The following LEPR variants were observed in gnomAD, a reference collection of about 807,000 sequenced individuals.
The protein encoded by LEPR is OB receptor.
Under a neutral mutation model 114.7 loss-of-function variants are expected in LEPR, and 56 were observed. The observed-to-expected ratio is 0.49, with a 90% CI of 0.39 to 0.61. The LOEUF (loss-of-function observed/expected upper bound fraction) is 0.61. Ranked by LOEUF, LEPR falls within the 20% of genes least tolerant of loss-of-function variation. The pLI is 0.00. For missense variants in LEPR, 1,202 were observed against 1,352.9 expected (o/e 0.89, Z 1.75); for synonymous variants, 443 against 461.4 (o/e 0.96, Z 0.51).
chr1:65,637,075 A>ACTT lies in LEPR; in HGVS notation c.*60_*61insCTT. On this transcript the variant is annotated 3_prime_UTR_variant, in exon 20 of 20. Transcript: ENST00000349533. Reference sequence around the variant, plus strand: ...TGGGTAATATAAAGTGTAATAGATTATAGTTGTGGGTGGGAGAGAGAAAAG... The same window carrying ACTT: ...TGGGTAATATAAAGTGTAATAGATTACTTTAGTTGTGGGTGGGAGAGAGAAAAG... 5.8e-6 allele frequency: 9 copies of ACTT among 1,546,356 alleles called. No homozygotes were observed. Among genetic ancestry groups the ACTT allele is most frequent in the Non-Finnish European group, 7.1e-6 (8 of 1,132,730 alleles).
intron 2 of LEPR, among the ~76,000 whole-genome samples, chr1:65,461,375 C>T (rs1225288403): frequency 6.6e-6 from 1 of 152,024 alleles, no homozygotes; most frequent in Admixed American, 6.6e-5. Context: ...AAACATAGGC[C>T]TAAGGTACCA....
chr1:65,615,856 C>A, intron 14 of LEPR, 152 bp from the exon 15 acceptor site: 2 of 995,176 alleles, frequency 2.0e-6, no homozygotes, highest in Non-Finnish European at 3.0e-6. Context: ...CTCTATCCCA[C>A]CCATCTCCCC....
In LEPR at chr1:65,524,736, A is replaced by G. The variant is rs1420194903; in HGVS notation, c.-20-40810A>G. On this transcript the variant is annotated intron_variant, in intron 2 of 19. Transcript: ENST00000349533. ...CACTACGCTTCATTCTTTCTCCCTT[A>G]CCCTGTTGATTTCTTCCATATCACC... is the stretch of plus-strand genomic sequence containing the variant. Among the ~76,000 whole-genome samples the G allele has an allele frequency of 2.0e-5, 3 of 152,042 alleles. No individual in the cohort carries two copies. In the East Asian group the frequency reaches 5.8e-4, roughly 29 times the overall value.
intron 7 of LEPR, among the ~76,000 whole-genome samples, chr1:65,598,095 C>CTTTTTTTTTTTGTTTTTTT (rs1656194506): frequency 9.9e-6 from 1 of 101,490 alleles, no homozygotes; most frequent in Non-Finnish European, 1.9e-5. Flanking sequence ...CCTCCTGCCT[C>CTTTTTTTTTTTGTTTTTTT]TTTTTTTTTT....
At chr1:65,630,202 A>T in intron 19 of LEPR, 1 of 284,376 alleles carries the variant, frequency 3.5e-6, no homozygotes. Flanking sequence ...TTTTAAACAG[A>T]TGCTTGAAGG....
At chr1:65,603,652 A>G (rs764561667) in intron 10 of LEPR, among the ~76,000 whole-genome samples, 1 of 151,734 alleles carries the variant, frequency 6.6e-6, no homozygotes, top group African/African-American at 2.4e-5. Flanking sequence ...GCCCAACACA[A>G]ATTTATAAAC....
chr1:65,548,952 G>A lies in LEPR; in HGVS notation c.-20-16594G>A, dbSNP rs987612808. On this transcript the variant is annotated intron_variant, in intron 2 of 19. Coordinates refer to ENST00000349533, the MANE Select transcript of LEPR (RefSeq NM_002303.6). ...GATTTTGCAGTGGCTGGTACCAGTT[G>A]TTCCTTTCCATGTTTAGTGCTTCCT... is the stretch of plus-strand genomic sequence containing the variant. 6.6e-4 allele frequency among the ~76,000 whole-genome samples: 101 copies of A among 152,194 alleles called. 1 individual carries two copies. The highest frequency in any genetic ancestry group is 2.9e-4 in the Non-Finnish European group (20 of 68,036).
At chr1:65,455,417 G>C (rs924307232) in intron 2 of LEPR, among the ~76,000 whole-genome samples, 19 of 151,520 alleles carry the variant, frequency 1.3e-4, no homozygotes, top group African/African-American at 1.7e-4. Flanking sequence ...GTGGTTTTAT[G>C]TACTTTTGGT....
chr1:65,609,983 A>G lies in LEPR; in HGVS notation c.1789A>G (p.Ser597Gly), dbSNP rs1657063884. Residue 597 changes from serine to glycine, a missense_variant, in exon 13 of 20, where the codon AGT becomes GGT. Physicochemically the swap from Ser to Gly is moderately conservative, Grantham distance 56. Coordinates refer to ENST00000349533, the MANE Select transcript of LEPR (RefSeq NM_002303.6). ...EVYDAKSKSVSLPVPDLCAVY... is the reference protein window; with the variant it reads ...EVYDAKSKSVGLPVPDLCAVY... ...TTATGATGCAAAATCAAAATCTGTC[A>G]GTCTCCCAGTTCCAGACTTGTGTGC... 1 of 1,614,216 alleles carries G rather than the reference A, an allele frequency of 6.2e-7. No homozygotes were observed. Among genetic ancestry groups the G allele is most frequent in the East Asian group, 2.2e-5 (1 of 44,872 alleles).
At chr1:65,475,511 C>G (rs952710063) in intron 2 of LEPR, among the ~76,000 whole-genome samples, 1 of 152,194 alleles carries the variant, frequency 6.6e-6, no homozygotes, top group Admixed American at 6.5e-5. Flanking sequence ...ACGTAGAACC[C>G]TGGAGCTGCA....
intron 5 of LEPR, among the ~76,000 whole-genome samples, chr1:65,584,173 C>G (rs1655174413): frequency 6.6e-6 from 1 of 151,932 alleles, no homozygotes; most frequent in Non-Finnish European, 1.5e-5. Context: ...AATCGTCTTT[C>G]TTTCTAGCAG....
intron 2 of LEPR, among the ~76,000 whole-genome samples, chr1:65,453,026 G>A (rs1420376638): frequency 6.6e-6 from 1 of 150,590 alleles, no homozygotes; most frequent in Non-Finnish European, 1.5e-5. Flanking sequence ...ATATGTCGAG[G>A]AATTTATCCA....
intron 2 of LEPR, among the ~76,000 whole-genome samples, chr1:65,502,433 AT>A (rs61383521): frequency 9.5e-4 from 143 of 150,066 alleles, no homozygotes; most frequent in South Asian, 4.6e-3. Flanking sequence ...CCAGACTGGC[AT>A]TTTTTTTTTA....
chr1:65,425,314 T>C lies in LEPR; in HGVS notation c.-85T>C, dbSNP rs1194725190. The C allele has an allele frequency of 2.8e-5, 45 of 1,612,178 alleles. No individual in the cohort carries two copies. The highest frequency in any genetic ancestry group is 3.6e-5 in the Non-Finnish European group (42 of 1,179,484). ...TTTATTTTTCACAGCTCTCGTGGCA[T>C]TATCCTTCAGTGGGGCTATTGGACT... is the stretch of plus-strand genomic sequence containing the variant. On this transcript the variant is annotated 5_prime_UTR_variant, in exon 2 of 20. Transcript: ENST00000349533.
rs1192228070 is a variant in LEPR at position 65,640,239 on chromosome 1, G to A, written c.*3224G>A. 6.6e-6 allele frequency: 1 copy of A among 152,204 alleles called. No individual in the cohort carries two copies. Among genetic ancestry groups the A allele is most frequent in the Non-Finnish European group, 1.5e-5 (1 of 68,030 alleles). 9.4% of individuals were successfully genotyped at this position (152,204 alleles called of 1,614,324 possible). A position where few individuals can be genotyped will look rare whatever the true frequency, so the allele number is the denominator to read the frequency against. On this transcript the variant is annotated 3_prime_UTR_variant, in exon 20 of 20. Coordinates refer to ENST00000349533, the MANE Select transcript of LEPR (RefSeq NM_002303.6). ...TATGCATACAGGGCTCACAGGCGGAGTTGGACAATATGCTGATGGATCAAG... is the reference window on the plus strand; with the variant it reads ...TATGCATACAGGGCTCACAGGCGGAATTGGACAATATGCTGATGGATCAAG...
intron 2 of LEPR, among the ~76,000 whole-genome samples, chr1:65,440,725 C>G (rs1452743571): frequency 6.6e-6 from 1 of 151,992 alleles, no homozygotes; most frequent in Non-Finnish European, 1.5e-5. Flanking sequence ...GTGGATGGAT[C>G]CTATGGGGCC....
At chr1:65,434,626 G>A (rs1245077722) in intron 2 of LEPR, 2 of 985,322 alleles carry the variant, frequency 2.0e-6, no homozygotes, top group African/African-American at 3.5e-5. Context: ...AGTGTGAGTA[G>A]TTTGGAGGAA....
chr1:65,599,030 T>A (rs1019255414), intron 8 of LEPR, among the ~76,000 whole-genome samples: 1 of 152,112 alleles, frequency 6.6e-6, no homozygotes, highest in African/African-American at 2.4e-5. Flanking sequence ...ACTTTTCCTA[T>A]TAAAAAGAAA....
At chr1:65,531,510 T>C (rs532248578) in intron 2 of LEPR, among the ~76,000 whole-genome samples, 55 of 152,142 alleles carry the variant, frequency 3.6e-4, no homozygotes, top group African/African-American at 1.3e-3. Flanking sequence ...CTGTGTGACT[T>C]TCTAATTATC....
Sources: allele counts gnomAD v4.1 joint callset (sites outside exome capture counted in the v4.1 genomes callset), GRCh38; gene constraint gnomAD v4.1.1; transcripts MANE v1.5; gene names NCBI Gene and HGNC (gene_info 2026-07-23, HGNC 2026-07-21).